The following FAM151A variants were observed in gnomAD, a reference collection of about 807,000 sequenced individuals.
FAM151A encodes the protein family with sequence similarity 151 member A.
Under a neutral mutation model 40.4 loss-of-function variants are expected in FAM151A, and 41 were observed. The ratio of observed to expected loss-of-function variants is 1.01; its 90% CI spans 0.79 to 1.32. The LOEUF is 1.32. Among genes scored for constraint, FAM151A ranks in the 40% most tolerant of loss-of-function variants. The pLI, the probability that FAM151A is intolerant of heterozygous loss-of-function variation, is 0.00. For synonymous variants in FAM151A, 337 were observed against 312.5 expected (o/e 1.08, Z -0.83); for missense variants, 740 against 740.4 (o/e 1.00, Z 0.01).
intron 1 of FAM151A, among the ~76,000 whole-genome samples, chr1:54,622,239 G>C (rs1393409436): frequency 7.5e-6 from 1 of 132,552 alleles, no homozygotes; most frequent in Non-Finnish European, 1.5e-5. Context: ...TCATGTCACC[G>C]CACTCTAGGC....
At chr1:54,610,626 C>T (rs1644108064) in intron 6 of FAM151A, 71 bp from the exon 7 acceptor site, 1 of 1,565,454 alleles carries the variant, frequency 6.4e-7, no homozygotes, top group Non-Finnish European at 8.7e-7. Flanking sequence ...TGCTAGGGTC[C>T]CATAGGCCAC....
At chr1:54,622,521 T>A (rs990329828) in intron 1 of FAM151A, among the ~76,000 whole-genome samples, 3 of 151,360 alleles carry the variant, frequency 2.0e-5, no homozygotes, top group Admixed American at 2.0e-4. Flanking sequence ...GAGGTTGCAG[T>A]GAGCCAAGAT....
Position 54,616,174 on chromosome 1 carries a change from T to G in FAM151A, c.263-2A>C. 1 of 1,611,708 alleles carries G rather than the reference T, an allele frequency of 6.2e-7. No individual in the cohort carries two copies. Among genetic ancestry groups the G allele is most frequent in the South Asian group, 1.1e-5 (1 of 90,782 alleles). On this transcript the variant is annotated splice_acceptor_variant, in intron 2 of 7. Coordinates refer to ENST00000302250, the MANE Select transcript of FAM151A (RefSeq NM_176782.3). LOFTEE classifies it high-confidence loss of function. ...CAGCCTCCAGGACTGTGATGTTGCC[T>G]GTGGAAGGGGCAACAACTCAGTGAG...
At chr1:54,619,753 T>C in intron 2 of FAM151A, 111 bp downstream of exon 2, 1 of 1,140,446 alleles carries the variant, frequency 8.8e-7, no homozygotes, top group Non-Finnish European at 1.3e-6. Context: ...CTGAAAGACA[T>C]GTAAACAGCC....
rs759114756 is a variant in FAM151A at position 54,609,607 on chromosome 1, G to A, written c.1419C>T (p.His473=). ...LLTAVAEVFP[H]VTVAPGWPEE... is the part of the protein sequence containing the mutation. ...CAGGCCAGCCTGGTGCCACAGTCAC[G>A]TGGGGGAAGACCTCAGCCACAGCTG... The change falls in exon 8 of 8, where the codon CAC becomes CAT. Residue 473 remains histidine, a synonymous_variant. Coordinates refer to ENST00000302250, the MANE Select transcript of FAM151A (RefSeq NM_176782.3). The A allele has an allele frequency of 3.5e-5, 56 of 1,613,302 alleles. No homozygotes were observed. Among genetic ancestry groups the A allele is most frequent in the Non-Finnish European group, 4.1e-5 (48 of 1,180,038 alleles).
chr1:54,609,953 G>A lies in FAM151A; in HGVS notation c.1085-12C>T, dbSNP rs752052761. 5.9e-5 allele frequency: 95 copies of A among 1,596,994 alleles called. 1 individual carries two copies. The South Asian group carries it at 9.2e-4, about 15-fold the overall frequency. On this transcript the variant is annotated splice_polypyrimidine_tract_variant and intron_variant, in intron 7 of 7. Coordinates refer to ENST00000302250, the MANE Select transcript of FAM151A (RefSeq NM_176782.3). ...CATGCCTTCTGTGTCTGGAAGAGGCGGCAGAGGCAACAGTGTTTAGGATTT... is the reference window on the plus strand; with the variant it reads ...CATGCCTTCTGTGTCTGGAAGAGGCAGCAGAGGCAACAGTGTTTAGGATTT...
intron 2 of FAM151A, 83 bp from the exon 3 acceptor site, chr1:54,616,255 C>G: frequency 8.1e-7 from 1 of 1,240,818 alleles, no homozygotes; most frequent in Non-Finnish European, 1.1e-6. Context: ...TTACAAATTA[C>G]AGAACATTTG....
At chr1:54,610,173 C>T (rs1644100750) in intron 7 of FAM151A, 8 of 1,432,846 alleles carry the variant, frequency 5.6e-6, no homozygotes, top group South Asian at 1.5e-5. Flanking sequence ...AGCCTGGGGG[C>T]TGGTGCCGGC....
At chr1:54,623,135 C>T in intron 1 of FAM151A, 143 bp downstream of exon 1, 1 of 602,680 alleles carries the variant, frequency 1.7e-6, no homozygotes, top group Non-Finnish European at 2.9e-6. Flanking sequence ...GAGAATCGTG[C>T]CATTGTACTC....
intron 1 of FAM151A, among the ~76,000 whole-genome samples, 158 bp downstream of exon 1, chr1:54,623,120 G>C (rs1007004434): frequency 2.4e-4 from 36 of 151,750 alleles, no homozygotes; most frequent in African/African-American, 8.5e-4. Flanking sequence ...AGGTTGCAGT[G>C]AGCCGAGAAT....
At position 54,609,689 on chromosome 1, in the gene FAM151A, T is replaced by A. The variant is rs532834434; in HGVS notation, c.1337A>T (p.Lys446Ile). The A allele has an allele frequency of 6.2e-7, 1 of 1,614,066 alleles. No individual in the cohort carries two copies. Among genetic ancestry groups the A allele is most frequent in the African/African-American group, 1.3e-5 (1 of 75,070 alleles). ...LLHWPVWVGA[K>I]ISHGSFSVPG... ...GACCGAAAAACTCCCGTGGGAGATT[T>A]TGGCCCCAACCCACACAGGCCAATG... Residue 446 changes from lysine (K) to isoleucine (I), a missense_variant, in exon 8 of 8, where the codon AAA becomes ATA. By Grantham distance (102) the Lys-to-Ile change is moderately radical. Coordinates refer to ENST00000302250, the MANE Select transcript of FAM151A (RefSeq NM_176782.3).
chr1:54,609,198 C>G lies in FAM151A; in HGVS notation c.*70G>C, dbSNP rs1644078259. On this transcript the variant is annotated 3_prime_UTR_variant, in exon 8 of 8. Transcript: ENST00000302250. ...ACAGTGCCTGGAGAAAGCCAAAGAC[C>G]TTTATTTCTTCCTGCCTCCCCGTGG... is the stretch of plus-strand genomic sequence containing the variant. 5.0e-6 allele frequency: 8 copies of G among 1,594,996 alleles called. No individual in the cohort carries two copies. The highest frequency in any genetic ancestry group is 6.8e-6 in the Non-Finnish European group (8 of 1,169,392).
In FAM151A at chr1:54,616,053, A is replaced by G. The variant is rs1027504698; in HGVS notation, c.382T>C (p.Trp128Arg). 1.2e-6 allele frequency: 2 copies of G among 1,613,974 alleles called. No homozygotes were observed. Among genetic ancestry groups the G allele is most frequent in the African/African-American group, 1.3e-5 (1 of 74,908 alleles). ...TIYSDNTLEQ[W>R]LDAVLGSSQK... Reference sequence around the variant, plus strand: ...GAAGAGCCCAGCACAGCGTCCAGCCACTGCTCCAGTGTGTTGTCACTGTAG... The same window carrying G: ...GAAGAGCCCAGCACAGCGTCCAGCCGCTGCTCCAGTGTGTTGTCACTGTAG... Residue 128 changes from tryptophan to arginine, a missense_variant, in exon 3 of 8, where the codon TGG (tryptophan) becomes CGG (arginine). Coordinates refer to ENST00000302250, the MANE Select transcript of FAM151A (RefSeq NM_176782.3).
At chr1:54,615,415 G>A (rs1468141644) in intron 3 of FAM151A, among the ~76,000 whole-genome samples, 4 of 152,148 alleles carry the variant, frequency 2.6e-5, no homozygotes, top group Non-Finnish European at 5.9e-5. Flanking sequence ...AAAGAGAGGC[G>A]TGGCATGACA....
At position 54,609,281 on chromosome 1, in the gene FAM151A, A is replaced by G; in HGVS notation, c.1745T>C (p.Val582Ala). Residue 582 changes from valine to alanine, a missense_variant, in exon 8 of 8, where the codon GTT becomes GCT. Coordinates refer to ENST00000302250, the MANE Select transcript of FAM151A (RefSeq NM_176782.3). ...ACCCCTGGGTGCTCAGTTTCTACCA[A>G]CATGAGCCAGCAAGTCCTTGTGGTA... The part of the protein sequence containing the change: ...QGYHKDLLAH[V>A]GRN 6.2e-7 allele frequency: 1 copy of G among 1,605,632 alleles called. No homozygotes were observed. Among genetic ancestry groups the G allele is most frequent in the Non-Finnish European group, 8.5e-7 (1 of 1,173,928 alleles).
chr1:54,610,806 C>G, intron 6 of FAM151A: 1 of 984,754 alleles, frequency 1.0e-6, no homozygotes, highest in Non-Finnish European at 1.2e-6. Flanking sequence ...GAGCTGGTAT[C>G]CTTCCCGCTC....
intron 3 of FAM151A, among the ~76,000 whole-genome samples, chr1:54,615,430 T>C (rs1370871085): frequency 6.6e-6 from 1 of 152,026 alleles, no homozygotes; most frequent in Non-Finnish European, 1.5e-5. Context: ...ATGACAAAAC[T>C]GGTGTTTTGA....
chr1:54,617,785 G>A (rs1293801596), intron 2 of FAM151A, among the ~76,000 whole-genome samples: 5 of 138,462 alleles, frequency 3.6e-5, no homozygotes, highest in South Asian at 2.3e-4. Context: ...GTGCTGTGGC[G>A]TGATCACGGC....
intron 5 of FAM151A, 79 bp from the exon 6 acceptor site, chr1:54,611,824 T>C: frequency 6.4e-7 from 1 of 1,559,160 alleles, no homozygotes; most frequent in Non-Finnish European, 8.8e-7. Flanking sequence ...CAGAACTGGA[T>C]GTCAGCTGGG....
Sources: allele counts gnomAD v4.1 joint callset (sites outside exome capture counted in the v4.1 genomes callset), GRCh38; gene constraint gnomAD v4.1.1; transcripts MANE v1.5; gene names NCBI Gene and HGNC (gene_info 2026-07-23, HGNC 2026-07-21).